Variants in ATP8A2 observed in about 807,000 individuals in gnomAD.
ATP8A2 encodes the protein ATPase phospholipid transporting 8A2.
In ATP8A2, 100 loss-of-function variants were observed where a neutral mutation model predicts 165.6. That is an observed-to-expected ratio of 0.60 (90% confidence interval 0.51 to 0.71). The LOEUF (loss-of-function observed/expected upper bound fraction) is 0.71, where lower values mean the gene tolerates loss of function less well. Ranked by LOEUF, ATP8A2 falls within the 30% of genes least tolerant of loss-of-function variation. ATP8A2 has a pLI of 0.00. For missense variants in ATP8A2, 1,227 were observed against 1,479.5 expected (o/e 0.83, Z 2.80); for synonymous variants, 543 against 548.8 (o/e 0.99, Z 0.15).
intron 22 of ATP8A2, among the ~76,000 whole-genome samples, chr13:25,581,429 G>A (rs922121658): frequency 6.6e-6 from 1 of 152,196 alleles, no homozygotes; most frequent in Non-Finnish European, 1.5e-5. Flanking sequence ...TGCCAGGTAA[G>A]TGTATTATCT....
chr13:25,803,592 G>A lies in ATP8A2; in HGVS notation c.2680-24526G>A, dbSNP rs142392197. 3.7e-4 allele frequency among the ~76,000 whole-genome samples: 56 copies of A among 152,304 alleles called. 1 individual carries two copies. The East Asian group carries it at 7.9e-3, about 22-fold the overall frequency. The stretch of plus-strand genomic sequence containing the variant: ...TAGTTGTGCAGTCCAACTCTCGTGC[G>A]TGTGCACAGATCAGCCTCGGGACCA... On this transcript the variant is annotated intron_variant, in intron 27 of 36. Transcript: ENST00000381655.
chr13:25,880,121 A>T (rs867517236), intron 33 of ATP8A2, among the ~76,000 whole-genome samples: 1 of 152,344 alleles, frequency 6.6e-6, no homozygotes, highest in South Asian at 2.1e-4. Flanking sequence ...GGGCACAGTG[A>T]CAGCAAGGAA....
chr13:25,748,295 C>T (rs2044078947), intron 25 of ATP8A2, among the ~76,000 whole-genome samples: 1 of 152,170 alleles, frequency 6.6e-6, no homozygotes, highest in African/African-American at 2.4e-5. Context: ...GGTCAGAGTT[C>T]TGCCAAAGTA....
Position 25,734,705 on chromosome 13 carries a change from C to G in ATP8A2, c.2385-34341C>G, listed in dbSNP as rs563922507. The stretch of plus-strand genomic sequence containing the variant: ...CTAGGCTGGAGTGCAGTGGTGCAAT[C>G]TCAGCTCACTGCAACCCCCGGCCCC... On this transcript the variant is annotated intron_variant, in intron 25 of 36. Transcript: ENST00000381655. Among the ~76,000 whole-genome samples the G allele has an allele frequency of 7.1e-4, 108 of 152,240 alleles. 1 individual carries two copies. Among genetic ancestry groups the G allele is most frequent in the African/African-American group, 2.6e-3 (106 of 41,546 alleles).
intron 27 of ATP8A2, among the ~76,000 whole-genome samples, chr13:25,789,367 A>G (rs2138394838): frequency 6.6e-6 from 1 of 152,272 alleles, no homozygotes; most frequent in Non-Finnish European, 1.5e-5. Flanking sequence ...AGAAAACCCC[A>G]CTACTGATAA....
chr13:25,973,966 T>G (rs1036305341), intron 35 of ATP8A2, among the ~76,000 whole-genome samples: 1 of 152,228 alleles, frequency 6.6e-6, no homozygotes, highest in African/African-American at 2.4e-5. Context: ...GATAGGAAAT[T>G]AGGGCATCCT....
At chr13:25,418,345 C>T (rs190062185) in intron 1 of ATP8A2, among the ~76,000 whole-genome samples, 2 of 152,106 alleles carry the variant, frequency 1.3e-5, no homozygotes, top group East Asian at 3.9e-4. Flanking sequence ...ATGGCAGTAC[C>T]CTATAGAAGG....
chr13:25,563,898 T>C, intron 15 of ATP8A2, 58 bp from the exon 16 acceptor site: 3 of 1,219,784 alleles, frequency 2.5e-6, no homozygotes, highest in Non-Finnish European at 3.6e-6. Flanking sequence ...TTTCCAGGTT[T>C]GGGTTAGCTT....
At chr13:25,759,076 T>C (rs2044325549) in intron 25 of ATP8A2, among the ~76,000 whole-genome samples, 1 of 152,156 alleles carries the variant, frequency 6.6e-6, no homozygotes, top group Non-Finnish European at 1.5e-5. Context: ...ATCTGCAAAC[T>C]ACCTGCCTGA....
At chr13:25,952,400 C>T (rs117376659) in intron 33 of ATP8A2, among the ~76,000 whole-genome samples, 3 of 150,828 alleles carry the variant, frequency 2.0e-5, no homozygotes, top group African/African-American at 7.3e-5. Flanking sequence ...TTTTTTGCTC[C>T]CAGATAGGGT....
intron 25 of ATP8A2, among the ~76,000 whole-genome samples, chr13:25,764,075 A>G (rs566546074): frequency 6.6e-6 from 1 of 152,372 alleles, no homozygotes; most frequent in Non-Finnish European, 1.5e-5. Flanking sequence ...AGTATTTTCA[A>G]CAGGAAAATG....
chr13:25,658,135 A>G (rs887089914), intron 24 of ATP8A2, among the ~76,000 whole-genome samples: 1 of 152,214 alleles, frequency 6.6e-6, no homozygotes, highest in Admixed American at 6.5e-5. Context: ...AATAACTTAG[A>G]GGTGATGAAC....
chr13:25,532,557 G>T (rs2137930565), intron 5 of ATP8A2, among the ~76,000 whole-genome samples: 1 of 152,282 alleles, frequency 6.6e-6, no homozygotes, highest in East Asian at 1.9e-4. Flanking sequence ...GAACTAGACA[G>T]TTTTTATGTC....
chr13:25,831,790 C>G lies in ATP8A2; in HGVS notation c.2754+3598C>G, dbSNP rs570261490. ...CCCGGGAGGCGGAGGTTGCAGTAAG[C>G]TGAGATCACACCACTGCACTCTAGC... On this transcript the variant is annotated intron_variant, in intron 28 of 36. Coordinates refer to ENST00000381655, the MANE Select transcript of ATP8A2 (RefSeq NM_016529.6). Among the ~76,000 whole-genome samples, 15 of 151,624 alleles carry G rather than the reference C, an allele frequency of 9.9e-5. 1 individual carries two copies. In the South Asian group the frequency reaches 1.9e-3, roughly 19 times the overall value.
intron 24 of ATP8A2, among the ~76,000 whole-genome samples, chr13:25,689,399 TG>T (rs1177421604): frequency 6.6e-6 from 1 of 152,322 alleles, no homozygotes; most frequent in African/African-American, 2.4e-5. Context: ...ATATACTTAA[TG>T]ACATAGTTCA....
intron 2 of ATP8A2, among the ~76,000 whole-genome samples, chr13:25,498,567 T>C (rs1328553068): frequency 6.6e-6 from 1 of 152,182 alleles, no homozygotes; most frequent in Non-Finnish European, 1.5e-5. Flanking sequence ...AATTGGCCAA[T>C]GTGGATAATC....
At chr13:25,531,304 T>C (rs2038064140) in intron 4 of ATP8A2, among the ~76,000 whole-genome samples, 1 of 125,026 alleles carries the variant, frequency 8.0e-6, no homozygotes, top group East Asian at 2.0e-4. Flanking sequence ...ATATGTTATA[T>C]ATGATATATA....
intron 35 of ATP8A2, among the ~76,000 whole-genome samples, chr13:25,985,516 G>A (rs1956263488): frequency 6.6e-6 from 1 of 152,176 alleles, no homozygotes; most frequent in African/African-American, 2.4e-5. Flanking sequence ...GAAGCACCTA[G>A]CTTGTTTAAT....
rs560367944 is a variant in ATP8A2, at chr13:25,894,266, C to G, written c.3183+31858C>G. ...TTTCTACATATGGCTAGCCAGTTTTCCCAGCACCATTTATTAAATAGGGAA... is the reference window on the plus strand; with the variant it reads ...TTTCTACATATGGCTAGCCAGTTTTGCCAGCACCATTTATTAAATAGGGAA... On this transcript the variant is annotated intron_variant, in intron 33 of 36. Coordinates refer to ENST00000381655, the MANE Select transcript of ATP8A2 (RefSeq NM_016529.6). Among the ~76,000 whole-genome samples the G allele has an allele frequency of 3.3e-4, 50 of 152,246 alleles. No homozygotes were observed. In the East Asian group the frequency reaches 9.3e-3, roughly 28 times the overall value.
Sources: gnomAD v4.1 joint callset for allele counts (sites outside exome capture counted in the v4.1 genomes callset) on GRCh38, gnomAD v4.1.1 for gene constraint, MANE v1.5 for transcripts, NCBI Gene and HGNC (gene_info 2026-07-23, HGNC 2026-07-21) for gene names.